MSI2: variants seen among roughly 807,000 people sequenced by gnomAD.
MSI2 encodes RNA-binding protein Musashi homolog 2.
Under a neutral mutation model 45.6 loss-of-function variants are expected in MSI2, and 17 were observed. That is an observed-to-expected ratio of 0.37 (90% CI 0.26 to 0.56). The LOEUF (loss-of-function observed/expected upper bound fraction) is 0.56. Ranked by LOEUF, MSI2 falls within the 20% of genes least tolerant of loss-of-function variation. MSI2 has a pLI of 0.77. For synonymous variants in MSI2, 156 were observed against 158.2 expected (o/e 0.99, Z 0.11); for missense variants, 293 against 444.2 (o/e 0.66, Z 3.06).
intron 6 of MSI2, among the ~76,000 whole-genome samples, chr17:57,526,377 G>A (rs879259307): frequency 0.18 from 17,062 of 94,470 alleles, 1,084 homozygotes; most frequent in African/African-American, 0.27. Flanking sequence ...GTGTGTGTGT[G>A]TGTGTGTGTG....
intron 5 of MSI2, among the ~76,000 whole-genome samples, chr17:57,377,051 G>T (rs997229448): frequency 1.7e-4 from 26 of 152,084 alleles, no homozygotes; most frequent in African/African-American, 5.8e-4. Flanking sequence ...CTCCCAAGTA[G>T]CTGGGACTAC....
intron 11 of MSI2, among the ~76,000 whole-genome samples, chr17:57,653,866 C>A (rs958943221): frequency 6.6e-6 from 1 of 152,060 alleles, no homozygotes; most frequent in Admixed American, 6.5e-5. Context: ...CTCTCATGGA[C>A]TCCCAGAGCC....
chr17:57,267,414 C>A (rs1338897830), intron 5 of MSI2: 1 of 152,066 alleles, frequency 6.6e-6, no homozygotes, highest in African/African-American at 2.4e-5. Flanking sequence ...TGAGGTCAGT[C>A]TCCTAGGACT....
intron 5 of MSI2, chr17:57,365,154 T>A (rs972218591): frequency 6.6e-6 from 1 of 152,202 alleles, no homozygotes; most frequent in African/African-American, 2.4e-5. Context: ...TGTGTTGAGA[T>A]TTCATTTGAA....
chr17:57,279,052 C>G (rs1310473990), intron 5 of MSI2: 1 of 151,972 alleles, frequency 6.6e-6, no homozygotes, highest in South Asian at 2.1e-4. Flanking sequence ...GTGGGAAAAG[C>G]CTTAGCACTT....
At chr17:57,599,909 G>A (rs1455643739) in intron 8 of MSI2, among the ~76,000 whole-genome samples, 1 of 152,222 alleles carries the variant, frequency 6.6e-6, no homozygotes, top group Admixed American at 6.5e-5. Context: ...TGTCTGCACA[G>A]GGTGCAAGCT....
Position 57,469,373 on chromosome 17 carries a change from A to G in MSI2, c.406-60303A>G, listed in dbSNP as rs537489200. Among the ~76,000 whole-genome samples, 56 of 152,382 alleles carry G rather than the reference A, an allele frequency of 3.7e-4. 1 individual carries two copies. In the South Asian group the frequency reaches 0.011, roughly 31 times the overall value. On this transcript the variant is annotated intron_variant, in intron 6 of 13. Transcript: ENST00000284073. ...GTAATGGAGATTTAGAACCCATCAC[A>G]GTTGGGCTATTATTTCTGTGTAAAC...
the MSI2 span, among the ~76,000 whole-genome samples, chr17:57,698,924 T>C: frequency 2.2e-3 from 318 of 146,614 alleles, 3 homozygotes; most frequent in African/African-American, 7.5e-3. Context: ...TGTGTGTGTG[T>C]GTGTGTGTGT....
intron 5 of MSI2, among the ~76,000 whole-genome samples, chr17:57,319,877 G>A (rs549944055): frequency 6.6e-6 from 1 of 152,234 alleles, no homozygotes; most frequent in Non-Finnish European, 1.5e-5. Flanking sequence ...GCCTCCCAAA[G>A]TGCTGGGGTT....
intron 6 of MSI2, among the ~76,000 whole-genome samples, chr17:57,414,263 CCAGGACTGG>C (rs2084251547): frequency 6.6e-6 from 1 of 152,164 alleles, no homozygotes; most frequent in Non-Finnish European, 1.5e-5. Flanking sequence ...CCCTGTAGCA[CCAGGACTGG>C]CCTATGGCCT....
rs534705329 is a variant in MSI2 at position 57,600,393 on chromosome 17, A to C, written c.537+3443A>C. On this transcript the variant is annotated intron_variant, in intron 8 of 13. Coordinates refer to ENST00000284073, the MANE Select transcript of MSI2 (RefSeq NM_138962.4). ...AGGTCTTACTGCAGATTAGTCACAG[A>C]CATAGTACTTGAATCTAGGTCTTCT... is the stretch of plus-strand genomic sequence containing the variant. 2.3e-3 allele frequency among the ~76,000 whole-genome samples: 349 copies of C among 152,326 alleles called. 1 individual carries two copies. The highest frequency in any genetic ancestry group is 0.01 in the Middle Eastern group (3 of 294).
At chr17:57,624,450 G>A (rs530911379) in intron 9 of MSI2, among the ~76,000 whole-genome samples, 7 of 152,182 alleles carry the variant, frequency 4.6e-5, no homozygotes, top group Non-Finnish European at 8.8e-5. Context: ...GAAGGAAGGC[G>A]CCAGTATGCA....
chr17:57,301,854 C>T (rs1911447572), intron 5 of MSI2, among the ~76,000 whole-genome samples: 1 of 151,780 alleles, frequency 6.6e-6, no homozygotes, highest in Admixed American at 6.6e-5. Flanking sequence ...GAATGTGTAT[C>T]TAGGAGTGGA....
At chr17:57,511,934 GAC>G (rs1389497611) in intron 6 of MSI2, among the ~76,000 whole-genome samples, 2 of 152,132 alleles carry the variant, frequency 1.3e-5, no homozygotes, top group Non-Finnish European at 2.9e-5. Context: ...TTCCACTCCA[GAC>G]ACACACACCT....
At chr17:57,385,689 C>G (rs974801663) in intron 5 of MSI2, among the ~76,000 whole-genome samples, 2 of 152,138 alleles carry the variant, frequency 1.3e-5, no homozygotes, top group African/African-American at 2.4e-5. Flanking sequence ...TCCTGCTGCT[C>G]ATCATTTCAA....
At chr17:57,347,595 T>C (rs868597684) in intron 5 of MSI2, among the ~76,000 whole-genome samples, 2 of 152,204 alleles carry the variant, frequency 1.3e-5, no homozygotes, top group Admixed American at 6.5e-5. Context: ...GGTACTTATA[T>C]TGGAGTTGTT....
intron 5 of MSI2, among the ~76,000 whole-genome samples, chr17:57,387,314 C>T (rs932503948): frequency 9.9e-5 from 15 of 152,130 alleles, no homozygotes; most frequent in Non-Finnish European, 1.3e-4. Flanking sequence ...ATTTTTGCTG[C>T]GACTGTTGTT....
intron 6 of MSI2, among the ~76,000 whole-genome samples, chr17:57,457,893 C>T (rs1427063218): frequency 2.6e-5 from 4 of 151,804 alleles, no homozygotes; most frequent in African/African-American, 7.3e-5. Flanking sequence ...TAGGAGACAA[C>T]GTGAGACCTC....
chr17:57,365,935 CAG>C (rs562287713), intron 5 of MSI2, among the ~76,000 whole-genome samples: 7 of 152,158 alleles, frequency 4.6e-5, no homozygotes, highest in African/African-American at 1.4e-4. Context: ...TTTTTTGAGA[CAG>C]AGTCTCGCTC....
Sources: gnomAD v4.1 joint callset for allele counts (sites outside exome capture counted in the v4.1 genomes callset) on GRCh38, gnomAD v4.1.1 for gene constraint, MANE v1.5 for transcripts, NCBI Gene and HGNC (gene_info 2026-07-23, HGNC 2026-07-21) for gene names.